The following ITGB8 variants were observed in gnomAD, a reference collection of about 807,000 sequenced individuals.
The protein encoded by ITGB8 is integrin beta-8.
Under a neutral mutation model 89.5 loss-of-function variants are expected in ITGB8, and 30 were observed. That is an observed-to-expected ratio of 0.34 (90% CI 0.25 to 0.45). ITGB8 has a LOEUF of 0.45. ITGB8 is among the 20% of genes least tolerant of loss of function. The pLI is 1.00. For missense variants in ITGB8, 836 were observed against 933.3 expected, an observed-to-expected ratio of 0.90 and a Z score of 1.36; for synonymous variants, 335 against 320.4, an observed-to-expected ratio of 1.05 and a Z score of -0.49.
intron 5 of ITGB8, chr7:20,381,032 A>G: frequency 2.0e-6 from 1 of 493,674 alleles, no homozygotes; most frequent in Non-Finnish European, 3.6e-6. Flanking sequence ...GGATTTAAAT[A>G]GGAAAAGACA....
intron 5 of ITGB8, chr7:20,381,147 C>T (rs1452796967): frequency 1.0e-5 from 2 of 194,364 alleles, no homozygotes; most frequent in African/African-American, 4.7e-5. Context: ...TTGCCCTCCT[C>T]ACTTCAGCTT....
At chr7:20,406,670 G>C (rs975127354) in intron 12 of ITGB8, among the ~76,000 whole-genome samples, 1 of 151,868 alleles carries the variant, frequency 6.6e-6, no homozygotes, top group African/African-American at 2.4e-5. Context: ...CTTCCTTCAT[G>C]TTCACTGGCT....
intron 3 of ITGB8, among the ~76,000 whole-genome samples, chr7:20,371,532 TAAA>T (rs1785933686): frequency 6.6e-6 from 1 of 152,144 alleles, no homozygotes; most frequent in Non-Finnish European, 1.5e-5. Flanking sequence ...AATAAACTTT[TAAA>T]AAAGTATAAG....
chr7:20,337,906 G>A (rs1784628828), intron 1 of ITGB8, among the ~76,000 whole-genome samples: 1 of 152,176 alleles, frequency 6.6e-6, no homozygotes, highest in Admixed American at 6.5e-5. Context: ...GCCTTCTGGG[G>A]GTAAACTGAG....
chr7:20,367,675 A>G (rs1430675950), intron 3 of ITGB8, among the ~76,000 whole-genome samples: 1 of 151,878 alleles, frequency 6.6e-6, no homozygotes, highest in Non-Finnish European at 1.5e-5. Flanking sequence ...CAAAGTTCTT[A>G]GAGACTTTGT....
intron 8 of ITGB8, among the ~76,000 whole-genome samples, chr7:20,396,104 G>C (rs566956945): frequency 6.6e-6 from 1 of 152,176 alleles, no homozygotes; most frequent in East Asian, 1.9e-4. Flanking sequence ...CTTTAGCTTG[G>C]GCACAAAAGA....
At chr7:20,342,051 G>A (rs3807931) in intron 1 of ITGB8, among the ~76,000 whole-genome samples, 79,532 of 151,640 alleles carry the variant, frequency 0.52, 21,574 homozygotes, top group South Asian at 0.7. Context: ...CCTATACTGC[G>A]TAATTATCAA....
chr7:20,390,763 AATC>A, intron 6 of ITGB8, among the ~76,000 whole-genome samples: 1 of 152,246 alleles, frequency 6.6e-6, no homozygotes, highest in East Asian at 1.9e-4. Flanking sequence ...TCTTGCCAGC[AATC>A]ATGGAAGGCA....
At chr7:20,400,211 GT>G (rs1006568354) in intron 9 of ITGB8, among the ~76,000 whole-genome samples, 199 of 145,388 alleles carry the variant, frequency 1.4e-3, no homozygotes, top group Middle Eastern at 3.5e-3. Context: ...CTTTTACATT[GT>G]TTTTTTTCTT....
Position 20,398,977 on chromosome 7 carries a change from G to T in ITGB8, c.1264G>T (p.Val422Leu), listed in dbSNP as rs576191204. ...GCCAGGCATGGAAGGATGCAGAAACGTGACGAGCAATGATGAAGTATGTGG... is the reference window on the plus strand; with the variant it reads ...GCCAGGCATGGAAGGATGCAGAAACTTGACGAGCAATGATGAAGTATGTGG... ...RKPGMEGCRNVTSNDEVLFNV... is the reference protein window; with the variant it reads ...RKPGMEGCRNLTSNDEVLFNV... The change falls in exon 9 of 14, where the codon GTG becomes TTG. Residue 422 changes from valine to leucine, a missense_variant. Physicochemically the swap from Val to Leu is conservative, Grantham distance 32. Around this residue, in one of 5 missense-constraint regions of ITGB8, gnomAD observed 422 missense variants for 416.9 expected, o/e 1.01. Coordinates refer to ENST00000222573, the MANE Select transcript of ITGB8 (RefSeq NM_002214.3). The T allele has an allele frequency of 6.2e-7, 1 of 1,613,500 alleles. No individual in the cohort carries two copies. The highest frequency in any genetic ancestry group is 8.5e-7 in the Non-Finnish European group (1 of 1,179,770).
chr7:20,390,423 A>G (rs1202458518), intron 6 of ITGB8, among the ~76,000 whole-genome samples: 1 of 152,116 alleles, frequency 6.6e-6, no homozygotes, highest in East Asian at 1.9e-4. Flanking sequence ...ATACCTAACT[A>G]TATAACTCTA....
intron 3 of ITGB8, among the ~76,000 whole-genome samples, chr7:20,378,834 T>A (rs1261030122): frequency 6.6e-6 from 1 of 152,182 alleles, no homozygotes; most frequent in Non-Finnish European, 1.5e-5. Context: ...CTGTAGGATT[T>A]GGAGACCAAT....
intron 11 of ITGB8, 146 bp from the exon 12 acceptor site, chr7:20,405,916 G>T: frequency 1.8e-6 from 1 of 562,956 alleles, no homozygotes; most frequent in Non-Finnish European, 3.2e-6. Flanking sequence ...ATCCTTCGAT[G>T]TAATGATGGA....
intron 1 of ITGB8, among the ~76,000 whole-genome samples, chr7:20,349,053 C>T (rs138302412): frequency 1.6e-4 from 24 of 151,916 alleles, no homozygotes; most frequent in Admixed American, 1.4e-3. Flanking sequence ...AAATTTCTAC[C>T]GATGATATTA....
At chr7:20,371,192 C>T (rs1216793864) in intron 3 of ITGB8, among the ~76,000 whole-genome samples, 1 of 151,976 alleles carries the variant, frequency 6.6e-6, no homozygotes, top group Non-Finnish European at 1.5e-5. Context: ...AATTTAGTGC[C>T]CATTTCCGGC....
intron 1 of ITGB8, among the ~76,000 whole-genome samples, chr7:20,344,220 T>C (rs1331302185): frequency 6.6e-6 from 1 of 152,108 alleles, no homozygotes; most frequent in Admixed American, 6.6e-5. Flanking sequence ...ACAGGAAATA[T>C]GTCAAATGTG....
chr7:20,359,608 T>A lies in ITGB8; in HGVS notation c.128-4029T>A, dbSNP rs541727752. Among the ~76,000 whole-genome samples the A allele has an allele frequency of 2.6e-5, 4 of 152,210 alleles. No individual in the cohort carries two copies. In the South Asian group the frequency reaches 8.3e-4, roughly 32 times the overall value. On this transcript the variant is annotated intron_variant, in intron 1 of 13. Transcript: ENST00000222573. ...GTCATGCTTTGTTGTATATGCAGTG[T>A]AGAGATTTTTACTTTCACAGAAGGG...
intron 1 of ITGB8, among the ~76,000 whole-genome samples, chr7:20,345,871 C>A (rs1388300527): frequency 1.3e-5 from 2 of 152,112 alleles, no homozygotes; most frequent in African/African-American, 4.8e-5. Flanking sequence ...GAATAAGGAG[C>A]TGATGCATCT....
At chr7:20,354,142 A>C (rs1354929828) in intron 1 of ITGB8, among the ~76,000 whole-genome samples, 1 of 152,110 alleles carries the variant, frequency 6.6e-6, no homozygotes, top group Non-Finnish European at 1.5e-5. Context: ...CTCTACTTGG[A>C]ATATTATTTA....
Sources: gnomAD v4.1 joint callset for allele counts (sites outside exome capture counted in the v4.1 genomes callset) on GRCh38, gnomAD v4.1.1 for gene constraint, gnomAD v4.1.1 regional missense constraint, MANE v1.5 for transcripts, NCBI Gene and HGNC (gene_info 2026-07-23, HGNC 2026-07-21) for gene names.